RAD51B: variants seen among roughly 807,000 people sequenced by gnomAD.
RAD51B encodes DNA repair protein RAD51 homolog 2.
A neutral mutation model predicts 42.2 loss-of-function variants in RAD51B; 38 were observed. The observed-to-expected ratio is 0.90, with a 90% CI of 0.70 to 1.18. The LOEUF (loss-of-function observed/expected upper bound fraction) is 1.18, where lower values mean the gene tolerates loss of function less well. Among genes scored for constraint, RAD51B ranks in the 50% most tolerant of loss-of-function variants. The pLI is 0.00. For missense variants in RAD51B, 373 were observed against 400.7 expected, an observed-to-expected ratio of 0.93 and a Z score of 0.59; for synonymous variants, 154 against 145.2, an observed-to-expected ratio of 1.06 and a Z score of -0.43.
intron 8 of RAD51B, among the ~76,000 whole-genome samples, chr14:68,393,357 C>T (rs2083815363): frequency 6.6e-6 from 1 of 152,184 alleles, no homozygotes; most frequent in African/African-American, 2.4e-5. Flanking sequence ...TCTTCTATGT[C>T]GGATTCAGCC....
At chr14:68,391,756 CTCAGT>C (rs2083765730) in intron 8 of RAD51B, among the ~76,000 whole-genome samples, 1 of 152,076 alleles carries the variant, frequency 6.6e-6, no homozygotes, top group Non-Finnish European at 1.5e-5. Context: ...AACTTGTTGA[CTCAGT>C]TCCCATGGTG....
intron 10 of RAD51B, among the ~76,000 whole-genome samples, chr14:68,525,812 A>C (rs1886889256): frequency 6.6e-6 from 1 of 152,234 alleles, no homozygotes; most frequent in African/African-American, 2.4e-5. Flanking sequence ...GAGCTCCGGC[A>C]TATGGAATTA....
intron 7 of RAD51B, among the ~76,000 whole-genome samples, chr14:68,144,695 T>G (rs1291068211): frequency 6.6e-6 from 1 of 152,188 alleles, no homozygotes; most frequent in Non-Finnish European, 1.5e-5. Flanking sequence ...CTTCAGAAGC[T>G]AGTAAACAAA....
At chr14:68,014,581 A>G (rs2075743646) in intron 7 of RAD51B, among the ~76,000 whole-genome samples, 1 of 151,924 alleles carries the variant, frequency 6.6e-6, no homozygotes, top group Non-Finnish European at 1.5e-5. Context: ...CTAATTGGCA[A>G]ATTTTGGGTA....
chr14:68,359,525 A>C (rs780023648), intron 8 of RAD51B, among the ~76,000 whole-genome samples: 31 of 152,270 alleles, frequency 2.0e-4, no homozygotes, highest in Non-Finnish European at 4.1e-4. Flanking sequence ...AAACGCAAAC[A>C]GCTGCTGCCT....
chr14:67,872,762 C>T (rs1389646802), intron 5 of RAD51B, among the ~76,000 whole-genome samples: 1 of 150,510 alleles, frequency 6.6e-6, no homozygotes, highest in African/African-American at 2.4e-5. Flanking sequence ...TGGAACAGAA[C>T]AGAGCCCTCA....
chr14:67,930,586 G>C (rs1260981147), intron 7 of RAD51B, among the ~76,000 whole-genome samples: 1 of 152,100 alleles, frequency 6.6e-6, no homozygotes, highest in African/African-American at 2.4e-5. Context: ...TCCTTTGTAG[G>C]TGACTAGACA....
At chr14:68,114,742 A>G (rs1402261427) in intron 7 of RAD51B, among the ~76,000 whole-genome samples, 2 of 152,182 alleles carry the variant, frequency 1.3e-5, no homozygotes, top group African/African-American at 2.4e-5. Flanking sequence ...ATCATCTGCC[A>G]GAGATAATTA....
intron 10 of RAD51B, among the ~76,000 whole-genome samples, chr14:68,469,526 T>C (rs566294222): frequency 6.6e-6 from 1 of 152,254 alleles, no homozygotes; most frequent in Admixed American, 6.5e-5. Flanking sequence ...GTAAATATTT[T>C]TTTTTACAAT....
At chr14:68,170,542 C>T (rs978880016) in intron 7 of RAD51B, among the ~76,000 whole-genome samples, 1 of 152,146 alleles carries the variant, frequency 6.6e-6, no homozygotes, top group Admixed American at 6.5e-5. Flanking sequence ...TGTTCTAAAA[C>T]CACACCCTGA....
intron 10 of RAD51B, among the ~76,000 whole-genome samples, chr14:68,571,780 GT>G (rs1889715778): frequency 7.5e-6 from 1 of 133,894 alleles, no homozygotes; most frequent in Non-Finnish European, 1.6e-5. Context: ...GTTATTGGTT[GT>G]TTGGTGTTGG....
At chr14:67,972,057 G>A (rs1595186419) in intron 7 of RAD51B, among the ~76,000 whole-genome samples, 1 of 149,910 alleles carries the variant, frequency 6.7e-6, no homozygotes, top group South Asian at 2.1e-4. Flanking sequence ...TGCCTTGTAC[G>A]TGTTCTAGCT....
intron 7 of RAD51B, among the ~76,000 whole-genome samples, chr14:68,178,883 A>G (rs969592921): frequency 7.2e-5 from 11 of 152,154 alleles, no homozygotes; most frequent in Non-Finnish European, 1.5e-4. Flanking sequence ...ATCTTTCCCT[A>G]CTTTTTCAGG....
intron 7 of RAD51B, among the ~76,000 whole-genome samples, chr14:68,031,698 G>A (rs1469046512): frequency 6.6e-6 from 1 of 152,114 alleles, no homozygotes; most frequent in Non-Finnish European, 1.5e-5. Flanking sequence ...ATCAATGAAT[G>A]AACGGCAGTT....
chr14:68,331,261 C>T (rs1254708531), intron 8 of RAD51B, among the ~76,000 whole-genome samples: 5 of 150,270 alleles, frequency 3.3e-5, no homozygotes, highest in Admixed American at 6.6e-5. Context: ...ACTCGGGAGG[C>T]TGAGGCAGGA....
In RAD51B at chr14:68,435,510, T is replaced by TG. The variant is rs774700214; in HGVS notation, c.957+23986dup. On this transcript the variant is annotated intron_variant, in intron 9 of 10. Transcript: ENST00000471583. ...GTTTTTGGTTTTTTTTTTTTTTTTT[T>TG]GGGAGAACAATTTATTTTCCTTTGG... 6.0e-3 allele frequency among the ~76,000 whole-genome samples: 866 copies of TG among 143,626 alleles called. 11 individuals carry two copies. The highest frequency in any genetic ancestry group is 0.022 in the African/African-American group (824 of 37,360). 94.2% of individuals were successfully genotyped at this position (143,626 alleles called of 152,430 possible). A position where few individuals can be genotyped will look rare whatever the true frequency, so the allele number is the denominator to read the frequency against.
At chr14:68,136,340 CCAA>C (rs2078008704) in intron 7 of RAD51B, among the ~76,000 whole-genome samples, 3 of 71,044 alleles carry the variant, frequency 4.2e-5, no homozygotes, top group Non-Finnish European at 4.4e-5. Context: ...CTTTGGGAGG[CCAA>C]GGCGGGCGGG....
intron 7 of RAD51B, among the ~76,000 whole-genome samples, chr14:67,961,804 TA>T (rs2074673811): frequency 6.6e-6 from 1 of 152,202 alleles, no homozygotes; most frequent in Non-Finnish European, 1.5e-5. Context: ...CATCAGTGTG[TA>T]AACATATTAT....
Position 68,036,955 on chromosome 14 carries a change from T to C in RAD51B, c.756+149751T>C, listed in dbSNP as rs1039298568. Among the ~76,000 whole-genome samples the C allele has an allele frequency of 2.0e-5, 3 of 151,972 alleles. No individual in the cohort carries two copies. The South Asian group carries it at 6.3e-4, about 32-fold the overall frequency. On this transcript the variant is annotated intron_variant, in intron 7 of 10. Transcript: ENST00000471583. Reference sequence around the variant, plus strand: ...TTATTTTATTTTATGATTTTAGCTGTTTCACTTTTTTTTTTCTTTAGTATC... The same window carrying C: ...TTATTTTATTTTATGATTTTAGCTGCTTCACTTTTTTTTTTCTTTAGTATC...
Sources: gnomAD v4.1 joint callset for allele counts (sites outside exome capture counted in the v4.1 genomes callset) on GRCh38, gnomAD v4.1.1 for gene constraint, MANE v1.5 for transcripts, NCBI Gene and HGNC (gene_info 2026-07-23, HGNC 2026-07-21) for gene names.